Variants in COX6C observed in about 807,000 individuals in gnomAD.
COX6C encodes the protein cytochrome c oxidase polypeptide VIc.
A neutral mutation model predicts 6.9 loss-of-function variants in COX6C; 3 were observed. That is an observed-to-expected ratio of 0.43 (90% CI 0.20 to 1.12). The LOEUF (loss-of-function observed/expected upper bound fraction) is 1.12. Ranked by LOEUF, COX6C falls within the 50% of genes most tolerant of loss-of-function variation. The pLI is 0.27. For missense variants in COX6C, 101 were observed against 97.3 expected, an observed-to-expected ratio of 1.04 and a Z score of -0.16; for synonymous variants, 32 against 32.0, an observed-to-expected ratio of 1.00 and a Z score of 0.00.
chr8:99,889,106 C>A (rs926422220), intron 2 of COX6C, among the ~76,000 whole-genome samples: 1 of 152,160 alleles, frequency 6.6e-6, no homozygotes, highest in Admixed American at 6.5e-5. Flanking sequence ...AACTAAGGAG[C>A]AAAAATTCTG....
intron 3 of COX6C, chr8:99,886,406 T>C (rs1403789778): frequency 6.6e-6 from 1 of 151,706 alleles, no homozygotes. Context: ...AATTAACAAG[T>C]GTTGGGGAGG....
chr8:99,879,028 G>A (rs755189443), intron 3 of COX6C, among the ~76,000 whole-genome samples: 1 of 152,190 alleles, frequency 6.6e-6, no homozygotes, highest in Non-Finnish European at 1.5e-5. Flanking sequence ...TGACAAAATA[G>A]CAGTTTCACA....
intron 2 of COX6C, among the ~76,000 whole-genome samples, chr8:99,888,389 G>A (rs1030997967): frequency 6.6e-6 from 1 of 152,022 alleles, no homozygotes; most frequent in African/African-American, 2.4e-5. Flanking sequence ...TGGCCAACAT[G>A]ATGAAACCCC....
rs1414925277 is a variant in COX6C, at chr8:99,893,626, G to C, written c.-32+13C>G. The C allele has an allele frequency of 6.6e-6, 1 of 152,348 alleles. No homozygotes were observed. The highest frequency in any genetic ancestry group is 1.5e-5 in the Non-Finnish European group (1 of 68,122). 9.4% of individuals were successfully genotyped at this position (152,348 alleles called of 1,614,324 possible). ...CAGTGTCGGGGTAGGGATGCAAAAG[G>C]GACCGGACTCACCTCAACACCAACG... is the stretch of plus-strand genomic sequence containing the variant. On this transcript the variant is annotated intron_variant, in intron 1 of 3. Transcript: ENST00000520468.
chr8:99,884,724 G>A (rs1444816748), intron 3 of COX6C, among the ~76,000 whole-genome samples: 1 of 152,060 alleles, frequency 6.6e-6, no homozygotes, highest in Non-Finnish European at 1.5e-5. Context: ...ACCCTATACA[G>A]CTACGTTTTT....
At chr8:99,886,910 T>C (rs888923878) in intron 3 of COX6C, among the ~76,000 whole-genome samples, 13 of 152,250 alleles carry the variant, frequency 8.5e-5, no homozygotes, top group Admixed American at 8.5e-4. Context: ...TTCTGGAGAC[T>C]GGTTGCACAA....
At chr8:99,892,254 G>T (rs960280795) in intron 1 of COX6C, among the ~76,000 whole-genome samples, 1 of 152,144 alleles carries the variant, frequency 6.6e-6, no homozygotes, top group African/African-American at 2.4e-5. Flanking sequence ...GCCCTCAAGT[G>T]ATCATCCTAC....
At chr8:99,889,643 C>T (rs2131010313) in intron 2 of COX6C, among the ~76,000 whole-genome samples, 2 of 151,788 alleles carry the variant, frequency 1.3e-5, no homozygotes, top group East Asian at 4.0e-4. Context: ...CCGCCTCAGC[C>T]TCCCAAAGTG....
intron 3 of COX6C, among the ~76,000 whole-genome samples, chr8:99,884,598 C>T (rs911016360): frequency 6.6e-6 from 1 of 152,004 alleles, no homozygotes; most frequent in Non-Finnish European, 1.5e-5. Context: ...AGGAAAAGTA[C>T]GGAAAGAAAT....
chr8:99,880,597 C>T (rs186250388), intron 3 of COX6C, among the ~76,000 whole-genome samples: 8 of 151,860 alleles, frequency 5.3e-5, no homozygotes, highest in Non-Finnish European at 1.2e-4. Flanking sequence ...AAGAGCAGGC[C>T]GGACATGGTG....
chr8:99,893,677 A>G lies in COX6C; in HGVS notation c.-70T>C, dbSNP rs560413991. The G allele has an allele frequency of 6.6e-6, 1 of 152,422 alleles. No homozygotes were observed. The highest frequency in any genetic ancestry group is 6.5e-5 in the Admixed American group (1 of 15,314). 9.4% of individuals were successfully genotyped at this position (152,422 alleles called of 1,614,324 possible). On this transcript the variant is annotated 5_prime_UTR_variant, in exon 1 of 4. Coordinates refer to ENST00000520468, the MANE Select transcript of COX6C (RefSeq NM_004374.4). ...TCCTTCCTGACTAAAGGAAAAACGAACCGTGCTGTAGCCGCGCGCAGGCGC... is the reference window on the plus strand; with the variant it reads ...TCCTTCCTGACTAAAGGAAAAACGAGCCGTGCTGTAGCCGCGCGCAGGCGC...
Position 99,891,940 on chromosome 8 carries a change from C to T in COX6C, c.82G>A (p.Val28Met), listed in dbSNP as rs1818058918. The change falls in exon 2 of 4, where the codon GTG (valine) becomes ATG (methionine). Residue 28 changes from valine (V) to methionine (M), a missense_variant. Val to Met is a conservative substitution (Grantham distance 21, BLOSUM62 1). Coordinates refer to ENST00000520468, the MANE Select transcript of COX6C (RefSeq NM_004374.4). Reference protein sequence around the residue: ...RLRNHMAVAFVLSLGVAALYK... With the variant: ...RLRNHMAVAFMLSLGVAALYK... ...AAAGCTGCAACCCCCAGGGATAGCA[C>T]GAATGCTACAGCCATATGATTTCGC... The T allele has an allele frequency of 1.2e-6, 2 of 1,614,130 alleles. No homozygotes were observed. Among genetic ancestry groups the T allele is most frequent in the African/African-American group, 2.7e-5 (2 of 75,044 alleles).
At chr8:99,878,489 T>C (rs891796997) in intron 3 of COX6C, 23 of 152,326 alleles carry the variant, frequency 1.5e-4, no homozygotes, top group African/African-American at 5.3e-4. Context: ...TTTTCCATTT[T>C]GGGCATACCA....
intron 2 of COX6C, among the ~76,000 whole-genome samples, chr8:99,889,598 G>A (rs1359493367): frequency 6.6e-6 from 1 of 151,486 alleles, no homozygotes; most frequent in Non-Finnish European, 1.5e-5. Flanking sequence ...ATGTAGGCCA[G>A]GCTGGTCTCG....
intron 3 of COX6C, among the ~76,000 whole-genome samples, chr8:99,880,253 T>C (rs964052600): frequency 2.0e-5 from 3 of 151,952 alleles, no homozygotes; most frequent in Middle Eastern, 3.2e-3. Context: ...ACACGGACGA[T>C]TGAAAGAAAG....
At chr8:99,886,517 A>G (rs998697573) in intron 3 of COX6C, 1 of 152,198 alleles carries the variant, frequency 6.6e-6, no homozygotes, top group African/African-American at 2.4e-5. Flanking sequence ...TTTTGAATAT[A>G]CCCCAAAAGA....
At chr8:99,888,342 G>T (rs577191720) in intron 2 of COX6C, among the ~76,000 whole-genome samples, 1 of 152,078 alleles carries the variant, frequency 6.6e-6, no homozygotes, top group African/African-American at 2.4e-5. Context: ...GGAGGCCAAG[G>T]GGGGCGAATC....
Position 99,878,145 on chromosome 8 carries a change from A to C in COX6C, c.*136T>G, listed in dbSNP as rs1162049886. ...AAGAACTGAGAAAGACTTACTGTCC[A>C]AAGTATTTGTTAATTGTTTATTTAT... On this transcript the variant is annotated 3_prime_UTR_variant, in exon 4 of 4. Transcript: ENST00000520468. The C allele has an allele frequency of 6.6e-6, 1 of 152,236 alleles. No individual in the cohort carries two copies. 9.4% of individuals were successfully genotyped at this position (152,236 alleles called of 1,614,324 possible).
intron 3 of COX6C, among the ~76,000 whole-genome samples, chr8:99,880,335 C>G (rs908702024): frequency 6.6e-6 from 1 of 152,138 alleles, no homozygotes; most frequent in African/African-American, 2.4e-5. Flanking sequence ...GAACAACTAT[C>G]TAAAAAATGC....
Sources: gnomAD v4.1 joint callset for allele counts (sites outside exome capture counted in the v4.1 genomes callset) on GRCh38, gnomAD v4.1.1 for gene constraint, MANE v1.5 for transcripts, NCBI Gene and HGNC (gene_info 2026-07-23, HGNC 2026-07-21) for gene names.